ZBBX: variants seen among roughly 807,000 people sequenced by gnomAD.
ZBBX encodes the protein zinc finger B-box domain containing, also known as zinc finger B-box domain-containing protein 1.
ZBBX carries 101 observed loss-of-function variants against 108.5 expected under a neutral mutation model. The ratio of observed to expected loss-of-function variants is 0.93; its 90% CI spans 0.79 to 1.10. ZBBX has a LOEUF of 1.10. Among genes scored for constraint, ZBBX ranks in the 50% least tolerant of loss-of-function variants. The pLI is 0.00. For synonymous variants in ZBBX, 356 were observed against 323.4 expected, an observed-to-expected ratio of 1.10 and a Z score of -1.08; for missense variants, 1,009 against 941.4, an observed-to-expected ratio of 1.07 and a Z score of -0.94.
At chr3:167,311,875 T>C (rs1218707891) in intron 16 of ZBBX, among the ~76,000 whole-genome samples, 3 of 152,146 alleles carry the variant, frequency 2.0e-5, no homozygotes, top group Non-Finnish European at 2.9e-5. Flanking sequence ...TGTTTGGCAA[T>C]TATTAAAACA....
intron 9 of ZBBX, among the ~76,000 whole-genome samples, chr3:167,342,665 T>C (rs1288436207): frequency 6.6e-6 from 1 of 151,796 alleles, no homozygotes; most frequent in African/African-American, 2.4e-5. Flanking sequence ...ACCACTATTC[T>C]AATTTCTGCT....
Position 167,317,600 on chromosome 3 carries a change from A to C in ZBBX, c.984-3T>G. The C allele has an allele frequency of 1.3e-6, 2 of 1,596,472 alleles. No individual in the cohort carries two copies. The highest frequency in any genetic ancestry group is 1.7e-6 in the Non-Finnish European group (2 of 1,170,354). ...TAAAAAGTTGCTCTTGTGGAGTTCT[A>C]CAAAATAAGAAAGAAGCAATTAAGA... On this transcript the variant is annotated splice_region_variant and splice_polypyrimidine_tract_variant and intron_variant, in intron 12 of 21. Transcript: ENST00000675490.
chr3:167,244,647 A>G (rs945161611), intron 20 of ZBBX, among the ~76,000 whole-genome samples: 3 of 152,248 alleles, frequency 2.0e-5, no homozygotes, highest in Non-Finnish European at 2.9e-5. Flanking sequence ...ACCCTATTGT[A>G]GGTTAGTGTT....
the ZBBX span, among the ~76,000 whole-genome samples, chr3:167,212,746 C>T: frequency 2.0e-5 from 3 of 152,142 alleles, no homozygotes; most frequent in Admixed American, 2.0e-4. Context: ...AGTGCCAAGT[C>T]ATGAACTACA....
chr3:167,309,953 A>G (rs747334137), intron 16 of ZBBX, among the ~76,000 whole-genome samples: 1 of 152,168 alleles, frequency 6.6e-6, no homozygotes, highest in Non-Finnish European at 1.5e-5. Flanking sequence ...CATAATTTCC[A>G]GTTTCATACC....
intron 10 of ZBBX, among the ~76,000 whole-genome samples, chr3:167,330,868 G>GGGAAGAAGAAGAAGAAGAAGAAGAAGA (rs1738381271): frequency 2.3e-5 from 1 of 43,304 alleles, no homozygotes; most frequent in Non-Finnish European, 4.1e-5. Flanking sequence ...GGAGGAGGAG[G>GGGAAGAAGAAGAAGAAGAAGAAGAAGA]AGGAGAAGAA....
chr3:167,366,665 T>C (rs1745367128), intron 5 of ZBBX: 2 of 338,118 alleles, frequency 5.9e-6, no homozygotes, highest in Non-Finnish European at 1.2e-5. Context: ...ATTCTGGCTA[T>C]GACATTTAAT....
At chr3:167,235,208 A>G (rs1373006324), downstream of ZBBX, among the ~76,000 whole-genome samples, 5 of 151,734 alleles carry the variant, frequency 3.3e-5, no homozygotes, top group Non-Finnish European at 7.4e-5. Flanking sequence ...ATGACATAGA[A>G]AGTCAGAGGA....
chr3:167,240,920 C>G lies in ZBBX; in HGVS notation c.2394-1G>C. ...AATTTTGGTATCTCTTCCAGAACAG[C>G]TGAAAATACATAACAAGATCAATAC... On this transcript the variant is annotated splice_acceptor_variant, in intron 21 of 21. Coordinates refer to ENST00000675490, the MANE Select transcript of ZBBX (RefSeq NM_001199201.2). LOFTEE classifies it high-confidence loss of function. 1 of 1,612,584 alleles carries G rather than the reference C, an allele frequency of 6.2e-7. No homozygotes were observed. The highest frequency in any genetic ancestry group is 8.5e-7 in the Non-Finnish European group (1 of 1,179,096).
At chr3:167,279,313 G>A (rs969080707) in intron 20 of ZBBX, among the ~76,000 whole-genome samples, 5 of 151,350 alleles carry the variant, frequency 3.3e-5, no homozygotes, top group African/African-American at 1.2e-4. Context: ...AATTGTCCCT[G>A]TTTGCAGACG....
intron 18 of ZBBX, among the ~76,000 whole-genome samples, chr3:167,293,576 C>G (rs1731099306): frequency 1.3e-5 from 2 of 152,064 alleles, no homozygotes; most frequent in Non-Finnish European, 1.5e-5. Context: ...ATGACAAACC[C>G]ACAGCCAATA....
chr3:167,212,708 G>T, the ZBBX span, among the ~76,000 whole-genome samples: 1 of 152,228 alleles, frequency 6.6e-6, no homozygotes, highest in African/African-American at 2.4e-5. Context: ...CACTGAGATT[G>T]TTCTAGAGCT....
chr3:167,337,881 A>C (rs1577035281), intron 9 of ZBBX, among the ~76,000 whole-genome samples: 1 of 152,298 alleles, frequency 6.6e-6, no homozygotes, highest in Middle Eastern at 3.4e-3. Flanking sequence ...ATATATTAAT[A>C]AAATATTTTC....
intron 20 of ZBBX, among the ~76,000 whole-genome samples, chr3:167,260,653 A>G (rs1245682044): frequency 6.6e-6 from 1 of 152,226 alleles, no homozygotes; most frequent in Non-Finnish European, 1.5e-5. Flanking sequence ...CATTTCTAAA[A>G]GTGTGTCCAA....
chr3:167,238,129 G>A (rs1434240590), downstream of ZBBX, among the ~76,000 whole-genome samples: 1 of 151,924 alleles, frequency 6.6e-6, no homozygotes, highest in Non-Finnish European at 1.5e-5. Context: ...GCTAAAATAT[G>A]TACATATATT....
chr3:167,395,479 G>C (rs2108639410), intron 1 of ZBBX, among the ~76,000 whole-genome samples: 1 of 150,954 alleles, frequency 6.6e-6, no homozygotes, highest in South Asian at 2.1e-4. Context: ...ATAATTCTGA[G>C]ATCTGAAGTG....
chr3:167,265,822 T>A (rs1036914844), intron 20 of ZBBX, among the ~76,000 whole-genome samples: 1 of 152,228 alleles, frequency 6.6e-6, no homozygotes, highest in African/African-American at 2.4e-5. Flanking sequence ...CCTCCATGCA[T>A]GGGCACTGGC....
chr3:167,290,057 G>C (rs1317183715), intron 18 of ZBBX, among the ~76,000 whole-genome samples: 1 of 152,170 alleles, frequency 6.6e-6, no homozygotes, highest in Non-Finnish European at 1.5e-5. Context: ...TGAAAAAAAG[G>C]CAGAAGCCCC....
intron 9 of ZBBX, among the ~76,000 whole-genome samples, chr3:167,344,628 G>A (rs561144900): frequency 6.6e-6 from 1 of 151,716 alleles, no homozygotes; most frequent in South Asian, 2.1e-4. Context: ...AGCATCAGCT[G>A]TTCCTTTTTG....
Sources: gnomAD v4.1 joint callset for allele counts (sites outside exome capture counted in the v4.1 genomes callset) on GRCh38, gnomAD v4.1.1 for gene constraint, MANE v1.5 for transcripts, NCBI Gene and HGNC (gene_info 2026-07-23, HGNC 2026-07-21) for gene names.